The following ADCY1 variants were observed in gnomAD, a reference collection of about 807,000 sequenced individuals.
ADCY1 encodes the protein adenylate cyclase type 1.
ADCY1 carries 28 observed loss-of-function variants against 105.4 expected under a neutral mutation model. The observed-to-expected ratio is 0.27, with a 90% confidence interval of 0.20 to 0.36. The LOEUF is 0.36. ADCY1 is among the 10% of genes least tolerant of loss of function. The probability of loss-of-function intolerance (pLI) is 1.00; values close to 1 mark genes in which losing one functional copy is unlikely to be tolerated. For synonymous variants in ADCY1, 655 were observed against 623.8 expected (o/e 1.05, Z -0.75); for missense variants, 977 against 1,434.2 (o/e 0.68, Z 5.15).
At chr7:45,619,489 C>CAATT (rs1793832836) in intron 3 of ADCY1, among the ~76,000 whole-genome samples, 1 of 151,936 alleles carries the variant, frequency 6.6e-6, no homozygotes. Flanking sequence ...TAAGTATGTA[C>CAATT]AATTATGTGT....
At chr7:45,631,398 T>C (rs937007183) in intron 4 of ADCY1, among the ~76,000 whole-genome samples, 5 of 152,256 alleles carry the variant, frequency 3.3e-5, no homozygotes, top group African/African-American at 1.2e-4. Context: ...TTCTGCTCTG[T>C]GCAGGAAACT....
intron 8 of ADCY1, among the ~76,000 whole-genome samples, chr7:45,663,085 T>C (rs1795175990): frequency 6.6e-6 from 1 of 152,186 alleles, no homozygotes; most frequent in African/African-American, 2.4e-5. Context: ...GTAGGGCGTG[T>C]GCCTAGGACA....
chr7:45,579,832 T>C (rs1315659979), intron 1 of ADCY1, among the ~76,000 whole-genome samples: 1 of 152,214 alleles, frequency 6.6e-6, no homozygotes, highest in Non-Finnish European at 1.5e-5. Flanking sequence ...TGACTCTGGC[T>C]TCAGTCCTGT....
At chr7:45,685,761 C>A (rs1477075432) in intron 12 of ADCY1, among the ~76,000 whole-genome samples, 1 of 152,200 alleles carries the variant, frequency 6.6e-6, no homozygotes, top group East Asian at 1.9e-4. Context: ...TCCCTGGAGC[C>A]TCTTGCCTGC....
chr7:45,647,110 G>C lies in ADCY1; in HGVS notation c.1021-1560G>C, dbSNP rs567672313. The stretch of plus-strand genomic sequence containing the variant: ...CTCCTCTGATGCTGGGCGGTGGCCA[G>C]GGCCATCTCTCAAGGTCCCTGCAAC... On this transcript the variant is annotated intron_variant, in intron 4 of 19. Transcript: ENST00000297323. This position sits in a 1 kb window ranked among gnomAD's most constrained non-coding sequence, Gnocchi z 4.6. 3.3e-5 allele frequency among the ~76,000 whole-genome samples: 5 copies of C among 152,372 alleles called. No homozygotes were observed. The East Asian group carries it at 9.6e-4, about 29-fold the overall frequency.
chr7:45,580,460 G>A (rs1343823842), intron 1 of ADCY1, among the ~76,000 whole-genome samples: 2 of 152,216 alleles, frequency 1.3e-5, no homozygotes, highest in Non-Finnish European at 2.9e-5. Context: ...GCTTGAGCAC[G>A]GGGCTGGGGT....
rs889864641 is a variant in ADCY1 at position 45,710,300 on chromosome 7, C to T, written c.2933-228C>T. Among the ~76,000 whole-genome samples, 1 of 152,264 alleles carries T rather than the reference C, an allele frequency of 6.6e-6. No individual in the cohort carries two copies. Among genetic ancestry groups the T allele is most frequent in the African/African-American group, 2.4e-5 (1 of 41,556 alleles). On this transcript the variant is annotated intron_variant, in intron 18 of 19. Transcript: ENST00000297323. This position sits in a 1 kb window ranked among gnomAD's most constrained non-coding sequence, Gnocchi z 4.7. ...TGTTCCCCAGTGCAGTGGACAGTGT[C>T]GTGAGGAGACCCTGCCCAGGGGAGC...
At chr7:45,679,084 G>A (rs139017992) in intron 10 of ADCY1, among the ~76,000 whole-genome samples, 1 of 151,500 alleles carries the variant, frequency 6.6e-6, no homozygotes, top group East Asian at 1.9e-4. Flanking sequence ...TATTTTTTTT[G>A]CAAGAAAGAC....
chr7:45,603,778 A>T (rs1013456515), intron 2 of ADCY1, among the ~76,000 whole-genome samples: 1 of 152,246 alleles, frequency 6.6e-6, no homozygotes, highest in African/African-American at 2.4e-5. Flanking sequence ...GATTTCAAAA[A>T]ATTTATATAA....
chr7:45,664,697 T>G (rs1795223868), intron 8 of ADCY1: 1 of 245,088 alleles, frequency 4.1e-6, no homozygotes, highest in Non-Finnish European at 7.7e-6. Context: ...TTGCTTGTTT[T>G]TTTTTTTAAT....
intron 4 of ADCY1, among the ~76,000 whole-genome samples, chr7:45,643,300 A>G (rs1049326536): frequency 3.3e-5 from 5 of 151,940 alleles, no homozygotes; most frequent in Non-Finnish European, 5.9e-5. Context: ...AAAATAAATT[A>G]TGAGTTTATA....
At chr7:45,610,749 G>A (rs1283883122) in intron 3 of ADCY1, among the ~76,000 whole-genome samples, 12 of 126,038 alleles carry the variant, frequency 9.5e-5, no homozygotes, top group South Asian at 2.9e-4. Context: ...GGGAGGTGAT[G>A]ATGGAGGTGT....
At chr7:45,667,602 G>C in intron 8 of ADCY1, among the ~76,000 whole-genome samples, 1 of 152,156 alleles carries the variant, frequency 6.6e-6, no homozygotes, top group Non-Finnish European at 1.5e-5. Context: ...GGATTGACTT[G>C]GCGATGTGGG....
intron 1 of ADCY1, among the ~76,000 whole-genome samples, chr7:45,583,533 C>T (rs1475769316): frequency 6.6e-6 from 1 of 152,220 alleles, no homozygotes; most frequent in South Asian, 2.1e-4. Flanking sequence ...AGACTCTTCT[C>T]TGAAGTAGAC....
At chr7:45,643,015 T>C (rs1794566888) in intron 4 of ADCY1, among the ~76,000 whole-genome samples, 1 of 152,164 alleles carries the variant, frequency 6.6e-6, no homozygotes, top group African/African-American at 2.4e-5. Context: ...TTTTAAAAAT[T>C]TGATGTGTTT....
chr7:45,686,136 T>C lies in ADCY1; in HGVS notation c.2248T>C (p.Leu750=). 1 of 1,614,168 alleles carries C rather than the reference T, an allele frequency of 6.2e-7. No homozygotes were observed. Among genetic ancestry groups the C allele is most frequent in the Non-Finnish European group, 8.5e-7 (1 of 1,180,038 alleles). The part of the protein sequence containing the change: ...PLAIFFRVSS[L]PKMILLSGLT... Reference sequence around the variant, plus strand: ...AGCCATATTTTTCCGGGTGTCCTCCTTGCCAAAAATGATCCTGCTCTCCGG... The same window carrying C: ...AGCCATATTTTTCCGGGTGTCCTCCCTGCCAAAAATGATCCTGCTCTCCGG... The change falls in exon 13 of 20, where the codon TTG becomes CTG. Residue 750 remains leucine, a synonymous_variant. Coordinates refer to ENST00000297323, the MANE Select transcript of ADCY1 (RefSeq NM_021116.4). This position sits in a 1 kb window ranked among gnomAD's most constrained non-coding sequence, Gnocchi z 4.3.
intron 14 of ADCY1, among the ~76,000 whole-genome samples, chr7:45,689,819 G>A (rs1158357527): frequency 6.6e-6 from 1 of 152,226 alleles, no homozygotes; most frequent in East Asian, 1.9e-4. Flanking sequence ...GTGTTTCTCT[G>A]GGCCTTGTGC....
At chr7:45,612,770 C>T (rs892493332) in intron 3 of ADCY1, among the ~76,000 whole-genome samples, 4 of 152,150 alleles carry the variant, frequency 2.6e-5, no homozygotes, top group Admixed American at 2.6e-4. Context: ...TCTATCTCTC[C>T]CCTGGATCTC....
chr7:45,619,601 G>A (rs1220118581), intron 3 of ADCY1, among the ~76,000 whole-genome samples: 2 of 152,118 alleles, frequency 1.3e-5, no homozygotes, highest in African/African-American at 4.8e-5. Flanking sequence ...TCAACAATAT[G>A]TATGGAGCTG....
Sources: allele counts gnomAD v4.1 joint callset (sites outside exome capture counted in the v4.1 genomes callset), GRCh38; gene constraint gnomAD v4.1.1; non-coding constraint Gnocchi (gnomAD v3.1); transcripts MANE v1.5; gene names NCBI Gene and HGNC (gene_info 2026-07-23, HGNC 2026-07-21).